The following AIFM1 variants were observed in gnomAD, a reference collection of about 807,000 sequenced individuals.
AIFM1 encodes apoptosis inducing factor mitochondria associated 1.
Under a neutral mutation model 51.7 loss-of-function variants are expected in AIFM1, and 3 were observed. That is an observed-to-expected ratio of 0.06 (90% CI 0.03 to 0.15). The LOEUF is 0.15. AIFM1 is among the 10% of genes least tolerant of loss of function. The pLI is 1.00. For missense variants in AIFM1, 330 were observed against 476.8 expected, an observed-to-expected ratio of 0.69 and a Z score of 2.87; for synonymous variants, 178 against 179.4, an observed-to-expected ratio of 0.99 and a Z score of 0.06.
At chrX:130,161,810 T>G (rs761992937) in intron 1 of AIFM1, among the ~76,000 whole-genome samples, 2 of 110,792 alleles carry the variant, frequency 1.8e-5, no homozygotes, top group South Asian at 7.7e-4. Flanking sequence ...TTTCTCCATG[T>G]TGGTCAGGCT....
At chrX:130,149,655 C>G (rs2030888580) in intron 2 of AIFM1, 87 bp from the exon 3 acceptor site, 1 of 706,183 alleles carries the variant, frequency 1.4e-6, no homozygotes, top group African/African-American at 2.1e-5. Flanking sequence ...AAATGAGAAG[C>G]TTTTGTCTAT....
rs760798103 is a variant in AIFM1, at chrX:130,149,480, G to A, written c.338C>T (p.Ala113Val). Residue 113 changes from alanine to valine, a missense_variant, in exon 3 of 16, where the codon GCC (alanine) becomes GTC (valine). By Grantham distance (64) the Ala-to-Val change is moderately conservative. Coordinates refer to ENST00000287295, the MANE Select transcript of AIFM1 (RefSeq NM_004208.4). Reference protein sequence around the residue: ...GLTPEQKQKKAALSASEGEEV... With the variant: ...GLTPEQKQKKVALSASEGEEV... The stretch of plus-strand genomic sequence containing the variant: ...AAGGGAATACTCACCAGATAACGCG[G>A]CCTTTTTCTGTTTCTGTTCTGGTGT... 1.7e-6 allele frequency: 2 copies of A among 1,207,150 alleles called. No individual in the cohort carries two copies. The highest frequency in any genetic ancestry group is 3.0e-5 in the East Asian group (1 of 33,834).
chrX:130,164,469 T>C (rs1252327974), intron 1 of AIFM1, among the ~76,000 whole-genome samples: 1 of 112,463 alleles, frequency 8.9e-6, no homozygotes, highest in Non-Finnish European at 1.9e-5. Context: ...CACCCAGGTG[T>C]TTCTGTATTG....
intron 2 of AIFM1, among the ~76,000 whole-genome samples, chrX:130,153,934 C>G (rs140568132): frequency 8.9e-6 from 1 of 112,320 alleles, no homozygotes; most frequent in African/African-American, 3.2e-5. Context: ...CGTTCAACAA[C>G]TTACAGCTAT....
rs200114054 is a variant in AIFM1 at position 130,138,649 on chromosome X, G to A, written c.911C>T (p.Thr304Met). ...ACCAAGGAAGCCCCCACCGATAATC[G>A]TAATTGATTTGACTTCCCGTGAAAT... ...EKISREVKSI[T>M]IIGGGFLGSE... Residue 304 changes from threonine to methionine, a missense_variant, in exon 9 of 16, where the codon ACG becomes ATG. Thr to Met is a moderately conservative substitution (Grantham distance 81). Coordinates refer to ENST00000287295, the MANE Select transcript of AIFM1 (RefSeq NM_004208.4). 7.4e-6 allele frequency: 9 copies of A among 1,208,406 alleles called. No homozygotes were observed. The highest frequency in any genetic ancestry group is 3.5e-5 in the African/African-American group (2 of 56,902).
chrX:130,139,919 G>T, intron 7 of AIFM1, 48 bp from the exon 8 acceptor site: 1 of 1,059,694 alleles, frequency 9.4e-7, no homozygotes, highest in Non-Finnish European at 1.3e-6. Flanking sequence ...GCAGGAGCCA[G>T]CCCAAACAAT....
At chrX:130,150,723 C>T (rs2030937925) in intron 2 of AIFM1, among the ~76,000 whole-genome samples, 1 of 105,386 alleles carries the variant, frequency 9.5e-6, no homozygotes, top group Non-Finnish European at 1.9e-5. Flanking sequence ...ACCTGTAATC[C>T]CAGCACTTTG....
At chrX:130,132,585 T>C (rs1434751841) in intron 13 of AIFM1, among the ~76,000 whole-genome samples, 1 of 112,394 alleles carries the variant, frequency 8.9e-6, no homozygotes, top group Non-Finnish European at 1.9e-5. Flanking sequence ...ATTTAAAAAA[T>C]TCAGACGAGC....
rs138814844 is a variant in AIFM1 at position 130,164,586 on chromosome X, G to A, written c.106+965C>T. On this transcript the variant is annotated intron_variant, in intron 1 of 15. Coordinates refer to ENST00000287295, the MANE Select transcript of AIFM1 (RefSeq NM_004208.4). Reference sequence around the variant, plus strand: ...AACTCCTACAGGTGGATCATTCATTGCCCCCATGAAGTAACGCAGTACGAA... The same window carrying A: ...AACTCCTACAGGTGGATCATTCATTACCCCCATGAAGTAACGCAGTACGAA... Among the ~76,000 whole-genome samples, 400 of 111,540 alleles carry A rather than the reference G, an allele frequency of 3.6e-3. 3 individuals carry two copies. Among genetic ancestry groups the A allele is most frequent in the Middle Eastern group, 0.014 (3 of 216 alleles).
chrX:130,141,282 GT>G (rs1322360281), intron 6 of AIFM1, among the ~76,000 whole-genome samples: 1 of 111,841 alleles, frequency 8.9e-6, no homozygotes, highest in African/African-American at 3.2e-5. Context: ...CTGGTACCCA[GT>G]TTTTTTAGGC....
intron 2 of AIFM1, among the ~76,000 whole-genome samples, chrX:130,151,010 A>G (rs765469874): frequency 1.9e-5 from 2 of 107,012 alleles, no homozygotes; most frequent in African/African-American, 6.8e-5. Context: ...AGAAAAACCT[A>G]CAATGCTTTT....
intron 1 of AIFM1, among the ~76,000 whole-genome samples, chrX:130,158,535 G>A (rs373935283): frequency 3.6e-5 from 4 of 110,049 alleles, no homozygotes; most frequent in African/African-American, 9.9e-5. Context: ...AAGTTCCCAG[G>A]GGATGCTGCT....
chrX:130,131,736 T>C lies in AIFM1; in HGVS notation c.1512A>G (p.Thr504=), dbSNP rs780967837. Residue 504 remains threonine (T), a synonymous_variant, in exon 14 of 16, where the codon ACA becomes ACG. Transcript: ENST00000287295. ...AIGLVDSSLP[T]VGVFAKATAQ... is the part of the protein sequence containing the mutation. Reference sequence around the variant, plus strand: ...CAGTTGCTTTTGCAAAAACACCAACTGTGGGCAAACTACTGTCCACAAGAC... The same window carrying C: ...CAGTTGCTTTTGCAAAAACACCAACCGTGGGCAAACTACTGTCCACAAGAC... 8.3e-7 allele frequency: 1 copy of C among 1,212,042 alleles called. No individual in the cohort carries two copies.
At chrX:130,146,451 A>ATGTGTGTG (rs60694841) in intron 5 of AIFM1, among the ~76,000 whole-genome samples, 906 of 89,411 alleles carry the variant, frequency 0.01, 15 homozygotes, top group African/African-American at 0.03. Context: ...CTCTCAAAAT[A>ATGTGTGTG]TGTGTGTGTG....
chrX:130,161,073 A>C (rs891091576), intron 1 of AIFM1, among the ~76,000 whole-genome samples: 4 of 111,292 alleles, frequency 3.6e-5, no homozygotes, highest in Non-Finnish European at 7.5e-5. Flanking sequence ...AGGTTTTGTG[A>C]TTTCCTGTTT....
chrX:130,139,066 C>A (rs1469618395), intron 8 of AIFM1, among the ~76,000 whole-genome samples: 2 of 110,146 alleles, frequency 1.8e-5, no homozygotes, highest in Non-Finnish European at 3.8e-5. Context: ...TTATCCAGCT[C>A]AAAATGCCAA....
chrX:130,140,071 G>C (rs148087603), intron 7 of AIFM1, among the ~76,000 whole-genome samples, 200 bp from the exon 8 acceptor site: 245 of 112,372 alleles, frequency 2.2e-3, no homozygotes, highest in African/African-American at 7.2e-3. Flanking sequence ...GCAGATTTGA[G>C]AGTCTGTCTT....
chrX:130,150,436 C>T (rs867996206), intron 2 of AIFM1, among the ~76,000 whole-genome samples: 3 of 96,236 alleles, frequency 3.1e-5, no homozygotes, highest in Admixed American at 1.1e-4. Flanking sequence ...CCCGGGTTCA[C>T]GCCATTCTCC....
chrX:130,155,901 C>T (rs931159908), intron 2 of AIFM1, among the ~76,000 whole-genome samples: 1 of 112,164 alleles, frequency 8.9e-6, no homozygotes, highest in African/African-American at 3.2e-5. Flanking sequence ...AGCAATTAAA[C>T]ACCATATTTC....
Sources: allele counts gnomAD v4.1 joint callset (sites outside exome capture counted in the v4.1 genomes callset), GRCh38; gene constraint gnomAD v4.1.1; transcripts MANE v1.5; gene names NCBI Gene and HGNC (gene_info 2026-07-23, HGNC 2026-07-21).